DIAPH2: variants seen among roughly 807,000 people sequenced by gnomAD.
DIAPH2 encodes protein diaphanous homolog 2.
In DIAPH2, 35 loss-of-function variants were observed where a neutral mutation model predicts 92.7. The observed-to-expected ratio is 0.38, with a 90% CI of 0.29 to 0.50. The LOEUF (loss-of-function observed/expected upper bound fraction) is 0.50, where lower values mean the gene tolerates loss of function less well. Ranked by LOEUF, DIAPH2 falls within the 20% of genes least tolerant of loss-of-function variation. DIAPH2 has a pLI of 0.94. For synonymous variants in DIAPH2, 301 were observed against 280.4 expected, an observed-to-expected ratio of 1.07 and a Z score of -0.73; for missense variants, 701 against 819.5, an observed-to-expected ratio of 0.86 and a Z score of 1.77.
intron 1 of DIAPH2, among the ~76,000 whole-genome samples, chrX:96,685,724 C>T (rs1221794472): frequency 8.9e-6 from 1 of 111,960 alleles, no homozygotes; most frequent in African/African-American, 3.3e-5. Context: ...TGCCTTTTTC[C>T]TCCTCCTTGC....
At chrX:96,968,210 A>ATTT (rs1421919182) in intron 17 of DIAPH2, among the ~76,000 whole-genome samples, 13 of 107,831 alleles carry the variant, frequency 1.2e-4, no homozygotes, top group African/African-American at 4.4e-4. Flanking sequence ...TTTTATTTTT[A>ATTT]TTTTATTTAT....
chrX:97,080,694 T>C (rs1287158170), intron 19 of DIAPH2, among the ~76,000 whole-genome samples: 1 of 111,704 alleles, frequency 9.0e-6, no homozygotes, highest in Non-Finnish European at 1.9e-5. Flanking sequence ...ATCTAGTCCA[T>C]TCCCCTGATT....
chrX:97,089,734 A>ATT (rs1197107820), intron 19 of DIAPH2, among the ~76,000 whole-genome samples: 1 of 106,789 alleles, frequency 9.4e-6, no homozygotes, highest in South Asian at 4.0e-4. Flanking sequence ...ATTTTATTTT[A>ATT]TTTTTTTTTT....
chrX:97,297,920 T>C (rs2068659596), intron 23 of DIAPH2, among the ~76,000 whole-genome samples: 1 of 110,521 alleles, frequency 9.0e-6, no homozygotes, highest in African/African-American at 3.3e-5. Context: ...ACCATGGTGT[T>C]AAGATTGATG....
chrX:96,866,442 T>G (rs1314224410), intron 4 of DIAPH2, among the ~76,000 whole-genome samples: 1 of 111,994 alleles, frequency 8.9e-6, no homozygotes, highest in Non-Finnish European at 1.9e-5. Context: ...TGCCCTTAAT[T>G]GTACTAGTTG....
chrX:97,225,048 CT>C (rs1238574020), intron 22 of DIAPH2, among the ~76,000 whole-genome samples: 2 of 110,575 alleles, frequency 1.8e-5, no homozygotes, highest in Admixed American at 9.7e-5. Flanking sequence ...CCAAACCTCC[CT>C]TATGTGGCAG....
chrX:97,234,580 A>G (rs1380349988), intron 22 of DIAPH2, among the ~76,000 whole-genome samples: 1 of 111,934 alleles, frequency 8.9e-6, no homozygotes, highest in Non-Finnish European at 1.9e-5. Flanking sequence ...ACAAGGACTC[A>G]GGACTGCCTT....
In DIAPH2 at chrX:96,692,862, C is replaced by T. The variant is rs927537905; in HGVS notation, c.132+7672C>T. 4.4e-5 allele frequency among the ~76,000 whole-genome samples: 5 copies of T among 112,368 alleles called. No homozygotes were observed. The Admixed American group carries it at 4.7e-4, about 11-fold the overall frequency. On this transcript the variant is annotated intron_variant, in intron 1 of 26. Transcript: ENST00000324765. Reference sequence around the variant, plus strand: ...AACAACTAAGTTTATGTTACTGGCTCTAGTTTTATTTCAAAACAAATGCCG... The same window carrying T: ...AACAACTAAGTTTATGTTACTGGCTTTAGTTTTATTTCAAAACAAATGCCG...
chrX:97,538,216 G>T (rs1322961961), intron 26 of DIAPH2, among the ~76,000 whole-genome samples: 8 of 111,240 alleles, frequency 7.2e-5, no homozygotes, highest in Non-Finnish European at 1.1e-4. Flanking sequence ...GAAACTGTGA[G>T]GTAATACATA....
intron 21 of DIAPH2, among the ~76,000 whole-genome samples, chrX:97,140,850 A>G (rs1189446962): frequency 8.9e-6 from 1 of 111,735 alleles, no homozygotes; most frequent in African/African-American, 3.2e-5. Context: ...ACATCAGTGG[A>G]CAAACCCATC....
At chrX:97,143,788 G>A (rs2067224186) in intron 22 of DIAPH2, among the ~76,000 whole-genome samples, 1 of 111,577 alleles carries the variant, frequency 9.0e-6, no homozygotes, top group Non-Finnish European at 1.9e-5. Flanking sequence ...AAAATGTGGT[G>A]TATATACACA....
intron 23 of DIAPH2, among the ~76,000 whole-genome samples, chrX:97,346,742 T>C (rs1431354381): frequency 9.0e-6 from 1 of 111,275 alleles, no homozygotes; most frequent in African/African-American, 3.3e-5. Context: ...TAGCAAGGCA[T>C]ATTTGTTCAG....
intron 26 of DIAPH2, among the ~76,000 whole-genome samples, chrX:97,566,714 C>T (rs1423213863): frequency 9.0e-6 from 1 of 111,519 alleles, no homozygotes; most frequent in Non-Finnish European, 1.9e-5. Context: ...AGAAATACAA[C>T]AACAAAGTAA....
At chrX:97,567,652 G>A (rs1169691043) in intron 26 of DIAPH2, among the ~76,000 whole-genome samples, 3 of 111,401 alleles carry the variant, frequency 2.7e-5, no homozygotes, top group Admixed American at 9.6e-5. Flanking sequence ...GTCCTCTTCC[G>A]AGCCCAGGAC....
At chrX:96,973,797 G>C (rs374359007) in intron 17 of DIAPH2, among the ~76,000 whole-genome samples, 2 of 104,268 alleles carry the variant, frequency 1.9e-5, no homozygotes, top group East Asian at 6.2e-4. Flanking sequence ...ACGGGTTCAA[G>C]TGATTCTCCT....
chrX:97,108,164 C>T (rs182193078), intron 20 of DIAPH2, among the ~76,000 whole-genome samples: 2 of 110,441 alleles, frequency 1.8e-5, no homozygotes, highest in Admixed American at 9.6e-5. Context: ...GCTGTCAATG[C>T]ACTTCTTTTA....
intron 26 of DIAPH2, among the ~76,000 whole-genome samples, chrX:97,494,219 T>C (rs2070743737): frequency 9.2e-6 from 1 of 108,506 alleles, no homozygotes; most frequent in South Asian, 4.1e-4. Flanking sequence ...CTCGGGATGC[T>C]GAGGCAGGAG....
intron 23 of DIAPH2, among the ~76,000 whole-genome samples, chrX:97,308,501 G>A (rs1296809656): frequency 1.8e-5 from 2 of 110,697 alleles, no homozygotes; most frequent in African/African-American, 6.6e-5. Context: ...CTCTGCTAAG[G>A]CCAGGCGCGG....
chrX:96,847,111 A>T (rs1047707898), intron 4 of DIAPH2, among the ~76,000 whole-genome samples: 54 of 111,813 alleles, frequency 4.8e-4, no homozygotes, highest in African/African-American at 1.7e-3. Flanking sequence ...GAGTAGAAAG[A>T]CAAACTATAA....
Sources: allele counts gnomAD v4.1 joint callset (sites outside exome capture counted in the v4.1 genomes callset), GRCh38; gene constraint gnomAD v4.1.1; transcripts MANE v1.5; gene names NCBI Gene and HGNC (gene_info 2026-07-23, HGNC 2026-07-21).